The following NR4A3 variants were observed in gnomAD, a reference collection of about 807,000 sequenced individuals.
NR4A3 encodes chondrosarcoma, extraskeletal myxoid, fused to EWS.
NR4A3 carries 13 observed loss-of-function variants against 55.6 expected under a neutral mutation model. That is an observed-to-expected ratio of 0.23 (90% CI 0.15 to 0.37). The LOEUF is 0.37. Among genes scored for constraint, NR4A3 ranks in the 10% least tolerant of loss-of-function variants. The pLI is 1.00. For synonymous variants in NR4A3, 342 were observed against 357.9 expected (o/e 0.96, Z 0.50); for missense variants, 646 against 822.8 (o/e 0.79, Z 2.63).
At chr9:99,836,670 C>G (rs1417076957) in intron 5 of NR4A3, among the ~76,000 whole-genome samples, 3 of 152,220 alleles carry the variant, frequency 2.0e-5, no homozygotes, top group Non-Finnish European at 4.4e-5. Context: ...GGGCCTCTTC[C>G]CGCTCACTTG....
In NR4A3 at chr9:99,822,393, C is replaced by T; in HGVS notation, c.-191C>T. 6.6e-6 allele frequency: 1 copy of T among 152,408 alleles called. No homozygotes were observed. The allele number at this position is 152,408 out of a possible 1,614,324, so 9.4% of individuals were successfully genotyped here. On this transcript the variant is annotated 5_prime_UTR_variant, in exon 1 of 8. Transcript: ENST00000395097. The surrounding 1 kb of genome is among the most constrained non-coding windows in gnomAD (Gnocchi z 4.9). ...TAGAAACTCGCTCTAAAGACGGAAC[C>T]GCCACAGCACTCAAGTACGTATGAG...
intron 1 of NR4A3, among the ~76,000 whole-genome samples, chr9:99,824,109 A>C (rs1918008): frequency 0.36 from 54,600 of 152,044 alleles, 10,135 homozygotes; most frequent in African/African-American, 0.42. Flanking sequence ...GGCCGCAAGC[A>C]GGAGCGGCGG....
intron 7 of NR4A3, among the ~76,000 whole-genome samples, chr9:99,848,566 A>G (rs1305692284): frequency 2.0e-5 from 3 of 152,152 alleles, no homozygotes; most frequent in Non-Finnish European, 2.9e-5. Flanking sequence ...GCTGGTCTCG[A>G]ACTCCTGACC....
chr9:99,830,408 T>C lies in NR4A3; in HGVS notation c.951+1415T>C, dbSNP rs75579170. Among the ~76,000 whole-genome samples, 798 of 152,366 alleles carry C rather than the reference T, an allele frequency of 5.2e-3. 3 individuals carry two copies. The highest frequency in any genetic ancestry group is 9.5e-3 in the Non-Finnish European group (648 of 68,022). On this transcript the variant is annotated intron_variant, in intron 3 of 7. Coordinates refer to ENST00000395097, the MANE Select transcript of NR4A3 (RefSeq NM_006981.4). The stretch of plus-strand genomic sequence containing the variant: ...TATAATCTTTAAAGAGCTGTACAGA[T>C]AGTTCATTATTAAACAAAAGCTATA...
chr9:99,834,013 G>T (rs1211508609), intron 5 of NR4A3: 14 of 1,115,744 alleles, frequency 1.3e-5, no homozygotes, highest in Non-Finnish European at 1.5e-5. Flanking sequence ...CCTGCTTTTG[G>T]CTCTCTCCTG....
chr9:99,841,736 AGTTCAAGACCTGCCTAGGCAATATAG>A (rs1162195422), intron 5 of NR4A3, among the ~76,000 whole-genome samples: 2 of 122,230 alleles, frequency 1.6e-5, no homozygotes, highest in Non-Finnish European at 4.0e-5. Context: ...GCAATATGGG[AGTTCAAGACCTGCCTAGGCAATATAG>A]GAGTTCAAGA....
chr9:99,844,563 G>A (rs1827719630), intron 5 of NR4A3, 86 bp from the exon 6 acceptor site: 2 of 1,034,262 alleles, frequency 1.9e-6, no homozygotes, highest in Non-Finnish European at 1.5e-6. Context: ...TTTAGGCATT[G>A]ATGGTCTTGG....
chr9:99,837,351 A>G (rs540367480), intron 5 of NR4A3, among the ~76,000 whole-genome samples: 69 of 152,270 alleles, frequency 4.5e-4, no homozygotes, highest in Admixed American at 8.5e-4. Flanking sequence ...CCTTGGGATC[A>G]TCTAATCCAA....
chr9:99,843,378 A>G (rs899720485), intron 5 of NR4A3, among the ~76,000 whole-genome samples: 1 of 152,212 alleles, frequency 6.6e-6, no homozygotes, highest in Non-Finnish European at 1.5e-5. Flanking sequence ...GGTTCTGCCA[A>G]AGAGACCTCT....
At chr9:99,848,772 C>T (rs771926572) in intron 7 of NR4A3, among the ~76,000 whole-genome samples, 1 of 152,188 alleles carries the variant, frequency 6.6e-6, no homozygotes, top group Non-Finnish European at 1.5e-5. Flanking sequence ...GAGAAAGGCG[C>T]GTGTTGGGCA....
At chr9:99,850,438 G>A (rs1827827947) in intron 7 of NR4A3, among the ~76,000 whole-genome samples, 1 of 152,200 alleles carries the variant, frequency 6.6e-6, no homozygotes, top group African/African-American at 2.4e-5. Flanking sequence ...GACCCAACCT[G>A]GAGAGACTGG....
chr9:99,832,874 G>GA (rs1422541308), intron 4 of NR4A3, 56 bp downstream of exon 4: 18 of 1,377,364 alleles, frequency 1.3e-5, no homozygotes, highest in East Asian at 2.6e-5. Flanking sequence ...AGAAATCAGT[G>GA]AAAAAAAGCT....
At chr9:99,827,464 G>A (rs1329404724) in intron 2 of NR4A3, among the ~76,000 whole-genome samples, 1 of 152,162 alleles carries the variant, frequency 6.6e-6, no homozygotes, top group Non-Finnish European at 1.5e-5. Context: ...GAGTGGGGAT[G>A]AGGTGGGAGA....
chr9:99,832,358 T>C (rs1269043220), intron 3 of NR4A3, among the ~76,000 whole-genome samples: 2 of 152,130 alleles, frequency 1.3e-5, no homozygotes, highest in Admixed American at 6.5e-5. Context: ...GTGGAACAAG[T>C]AGAAAATTGT....
At position 99,828,726 on chromosome 9, in the gene NR4A3, AGCCGCCGCGGGCAGCCAG is replaced by A. The variant is rs1312288705; in HGVS notation, c.694_711del (p.Gly232_Ala237del). 15 of 1,303,810 alleles carry A rather than the reference AGCCGCCGCGGGCAGCCAG, an allele frequency of 1.2e-5. No individual in the cohort carries two copies. The highest frequency in any genetic ancestry group is 1.5e-5 in the Non-Finnish European group (15 of 1,030,262). 80.8% of individuals were successfully genotyped at this position (1,303,810 alleles called of 1,614,324 possible). A position where few individuals can be genotyped will look rare whatever the true frequency, so the allele number is the denominator to read the frequency against. ...CGCTCAGCCTGCCGCTGGGAGCCGC[AGCCGCCGCGGGCAGCCAG>A]GCCGCCGCGCTTGAGAGCCACCCGT... On this transcript the variant is annotated inframe_deletion, in exon 3 of 8. Coordinates refer to ENST00000395097, the MANE Select transcript of NR4A3 (RefSeq NM_006981.4). This position sits in a 1 kb window ranked among gnomAD's most constrained non-coding sequence, Gnocchi z 7.7.
At chr9:99,826,741 C>CT (rs1328858491) in intron 2 of NR4A3, 1 of 1,612,548 alleles carries the variant, frequency 6.2e-7, no homozygotes, top group Non-Finnish European at 8.5e-7. Flanking sequence ...CCCTCATCAC[C>CT]TTTTTTCAAG....
chr9:99,847,937 C>T (rs538943873), intron 7 of NR4A3, among the ~76,000 whole-genome samples: 8 of 152,318 alleles, frequency 5.3e-5, no homozygotes, highest in African/African-American at 1.7e-4. Context: ...CAGGGTCTTG[C>T]TCTGTCACAC....
In NR4A3 at chr9:99,828,357, C is replaced by CCACCAT. The variant is rs1188050394; in HGVS notation, c.321_326dup (p.His107_His108dup). 1.9e-6 allele frequency: 3 copies of CCACCAT among 1,601,934 alleles called. No homozygotes were observed. The highest frequency in any genetic ancestry group is 1.7e-5 in the Admixed American group (1 of 59,544). ...ATCACCACCACCACCACCACCACCA[C>CCACCAT]CACCATCACCAGCAGCAGCATCAGC... is the stretch of plus-strand genomic sequence containing the variant. On this transcript the variant is annotated inframe_insertion, in exon 3 of 8. Coordinates refer to ENST00000395097, the MANE Select transcript of NR4A3 (RefSeq NM_006981.4). The surrounding 1 kb of genome is among the most constrained non-coding windows in gnomAD (Gnocchi z 7.7).
chr9:99,863,637 G>C lies in NR4A3; in HGVS notation c.1651G>C (p.Glu551Gln). ...CTCTGCAGAAAGACATGGGTTAAAA[G>C]AACCAAAGAGAGTCGAAGAGCTATG... ...SMITERHGLK[E>Q]PKRVEELCNK... The change falls in exon 8 of 8, where the codon GAA becomes CAA. Residue 551 changes from glutamate (E) to glutamine (Q), a missense_variant. Glu to Gln is a conservative substitution (Grantham distance 29). This residue lies in a region of NR4A3 where 163 missense variants were observed against 233.0 expected (regional missense o/e 0.70). Coordinates refer to ENST00000395097, the MANE Select transcript of NR4A3 (RefSeq NM_006981.4). The C allele has an allele frequency of 4.3e-6, 7 of 1,613,800 alleles. No individual in the cohort carries two copies. Among genetic ancestry groups the C allele is most frequent in the Non-Finnish European group, 5.9e-6 (7 of 1,179,904 alleles).
Sources: allele counts gnomAD v4.1 joint callset (sites outside exome capture counted in the v4.1 genomes callset), GRCh38; gene constraint gnomAD v4.1.1; regional missense constraint gnomAD v4.1.1; non-coding constraint Gnocchi (gnomAD v3.1); transcripts MANE v1.5; gene names NCBI Gene and HGNC (gene_info 2026-07-23, HGNC 2026-07-21).